L3MBTL3: variants seen among roughly 807,000 people sequenced by gnomAD.
The protein encoded by L3MBTL3 is lethal(3)malignant brain tumor-like protein 3.
Under a neutral mutation model 102.3 loss-of-function variants are expected in L3MBTL3, and 27 were observed. The observed-to-expected ratio is 0.26, with a 90% CI of 0.19 to 0.36. L3MBTL3 has a LOEUF of 0.36. L3MBTL3 is among the 10% of genes least tolerant of loss of function. The pLI is 1.00. For missense variants in L3MBTL3, 798 were observed against 955.3 expected (o/e 0.84, Z 2.17); for synonymous variants, 340 against 320.9 (o/e 1.06, Z -0.64).
At chr6:130,061,373 G>A (rs1426256417) in intron 10 of L3MBTL3, among the ~76,000 whole-genome samples, 6 of 152,274 alleles carry the variant, frequency 3.9e-5, no homozygotes, top group Non-Finnish European at 7.4e-5. Context: ...GAGCCACCAC[G>A]CCCAGCCCAT....
Position 130,133,393 on chromosome 6 carries a change from C to T in L3MBTL3, c.1967-59C>T. Reference sequence around the variant, plus strand: ...GTCTCGTTATCTGGGAGATGCACGGCATTTGGGGCTTTCTTGCTGCTTTCA... The same window carrying T: ...GTCTCGTTATCTGGGAGATGCACGGTATTTGGGGCTTTCTTGCTGCTTTCA... On this transcript the variant is annotated intron_variant, in intron 20 of 22. Coordinates refer to ENST00000361794, the MANE Select transcript of L3MBTL3 (RefSeq NM_032438.4). This position sits in a 1 kb window ranked among gnomAD's most constrained non-coding sequence, Gnocchi z 4.9. 1.9e-6 allele frequency: 3 copies of T among 1,549,130 alleles called. No individual in the cohort carries two copies. The highest frequency in any genetic ancestry group is 2.7e-6 in the Non-Finnish European group (3 of 1,126,956).
At chr6:130,104,193 G>A (rs1317751234) in intron 18 of L3MBTL3, among the ~76,000 whole-genome samples, 2 of 151,112 alleles carry the variant, frequency 1.3e-5, no homozygotes, top group East Asian at 3.8e-4. Flanking sequence ...TCTGAAGATT[G>A]CAACAGATTC....
intron 2 of L3MBTL3, among the ~76,000 whole-genome samples, chr6:130,026,803 T>A (rs1584270978): frequency 6.6e-6 from 1 of 151,878 alleles, no homozygotes. Flanking sequence ...TTATGAAAAA[T>A]ATATATATAA....
At chr6:130,074,822 A>G (rs1782851581) in intron 13 of L3MBTL3, among the ~76,000 whole-genome samples, 1 of 152,206 alleles carries the variant, frequency 6.6e-6, no homozygotes, top group South Asian at 2.1e-4. Context: ...AGTCAGGGCA[A>G]AAATTCGTAA....
intron 14 of L3MBTL3, 128 bp downstream of exon 14, chr6:130,078,762 A>G: frequency 1.6e-6 from 1 of 616,198 alleles, no homozygotes; most frequent in Non-Finnish European, 2.9e-6. Flanking sequence ...ACCACTACTC[A>G]AAACAGTTGT....
Position 130,053,647 on chromosome 6 carries a change from C to CA in L3MBTL3, c.582+664dup, listed in dbSNP as rs1171788298. ...GAGACTGTGTCTCAAAAAAAAAAAA[C>CA]AAAAAAAACTATCTGAGTGGTTAAA... On this transcript the variant is annotated intron_variant, in intron 7 of 22. Transcript: ENST00000361794. Among the ~76,000 whole-genome samples the CA allele has an allele frequency of 2.6e-3, 372 of 144,242 alleles. 3 individuals are homozygous for CA. Among genetic ancestry groups the CA allele is most frequent in the African/African-American group, 9.1e-3 (360 of 39,678 alleles). The allele number at this position is 144,242 out of a possible 152,430, so 94.6% of individuals were successfully genotyped here. A position where few individuals can be genotyped will look rare whatever the true frequency, so the allele number is the denominator to read the frequency against.
At chr6:130,036,881 ACT>A (rs1780099823) in intron 2 of L3MBTL3, among the ~76,000 whole-genome samples, 1 of 152,084 alleles carries the variant, frequency 6.6e-6, no homozygotes, top group Non-Finnish European at 1.5e-5. Flanking sequence ...GGAGAACAAA[ACT>A]CTATAAAGAT....
chr6:130,083,885 G>A (rs561787354), intron 15 of L3MBTL3, among the ~76,000 whole-genome samples, 180 bp downstream of exon 15: 31 of 152,118 alleles, frequency 2.0e-4, no homozygotes, highest in African/African-American at 7.2e-4. Flanking sequence ...AATTTTTGTT[G>A]TTGTCATCCA....
chr6:130,081,180 T>C (rs1783316930), intron 14 of L3MBTL3, among the ~76,000 whole-genome samples: 1 of 152,256 alleles, frequency 6.6e-6, no homozygotes, highest in African/African-American at 2.4e-5. Flanking sequence ...TATACATTAA[T>C]GCATGCTTGT....
intron 18 of L3MBTL3, among the ~76,000 whole-genome samples, chr6:130,102,222 G>A (rs761564711): frequency 5.9e-5 from 9 of 152,094 alleles, no homozygotes; most frequent in Admixed American, 1.3e-4. Flanking sequence ...TTCTTGGGAT[G>A]ACAAAGGATA....
At chr6:130,027,328 A>G (rs888935262) in intron 2 of L3MBTL3, among the ~76,000 whole-genome samples, 5 of 152,192 alleles carry the variant, frequency 3.3e-5, no homozygotes, top group African/African-American at 1.2e-4. Context: ...TTTATATTAC[A>G]TAAATTTTGT....
intron 19 of L3MBTL3, among the ~76,000 whole-genome samples, chr6:130,114,274 C>A (rs993074074): frequency 1.3e-5 from 2 of 152,160 alleles, no homozygotes; most frequent in African/African-American, 4.8e-5. Flanking sequence ...GATAAGATGA[C>A]TGTGTTATTG....
intron 2 of L3MBTL3, among the ~76,000 whole-genome samples, chr6:130,037,285 A>G (rs1486221477): frequency 6.6e-6 from 1 of 152,180 alleles, no homozygotes; most frequent in Non-Finnish European, 1.5e-5. Context: ...CTTAAAGTGT[A>G]CTTGCCAAAG....
chr6:130,067,168 C>T (rs1782314043), intron 11 of L3MBTL3, among the ~76,000 whole-genome samples: 1 of 152,042 alleles, frequency 6.6e-6, no homozygotes, highest in South Asian at 2.1e-4. Flanking sequence ...GGTTGCAGTG[C>T]AGTGGTGTGA....
intron 18 of L3MBTL3, among the ~76,000 whole-genome samples, chr6:130,102,031 A>C (rs1033463834): frequency 7.9e-5 from 12 of 152,164 alleles, no homozygotes; most frequent in African/African-American, 2.9e-4. Flanking sequence ...TTGGATGTCT[A>C]ATAAACAAAT....
chr6:130,059,304 T>C (rs1258666565), intron 9 of L3MBTL3, among the ~76,000 whole-genome samples: 1 of 152,248 alleles, frequency 6.6e-6, no homozygotes, highest in Non-Finnish European at 1.5e-5. Flanking sequence ...CCTTCCCTTA[T>C]GGTAACATAT....
chr6:130,033,383 A>C (rs904705030), intron 2 of L3MBTL3, among the ~76,000 whole-genome samples: 2 of 152,184 alleles, frequency 1.3e-5, no homozygotes, highest in African/African-American at 4.8e-5. Context: ...CTGTAAAGTA[A>C]ACAAAAAATC....
At chr6:130,065,157 A>G (rs976228451) in intron 10 of L3MBTL3, among the ~76,000 whole-genome samples, 7 of 152,182 alleles carry the variant, frequency 4.6e-5, no homozygotes, top group Admixed American at 2.6e-4. Context: ...AAAAATGCTG[A>G]TACATAAAAG....
intron 19 of L3MBTL3, among the ~76,000 whole-genome samples, chr6:130,108,231 G>GTTTTTTTT (rs869221525): frequency 3.3e-5 from 3 of 91,052 alleles, no homozygotes; most frequent in Non-Finnish European, 6.4e-5. Flanking sequence ...TTTTTTTTTT[G>GTTTTTTTT]TTTTTTTTTT....
Sources: allele counts gnomAD v4.1 joint callset (sites outside exome capture counted in the v4.1 genomes callset), GRCh38; gene constraint gnomAD v4.1.1; non-coding constraint Gnocchi (gnomAD v3.1); transcripts MANE v1.5; gene names NCBI Gene and HGNC (gene_info 2026-07-23, HGNC 2026-07-21).